Variants in NT5M observed in about 807,000 individuals in gnomAD.
The protein encoded by NT5M is 5'(3')-deoxyribonucleotidase, mitochondrial.
NT5M carries 22 observed loss-of-function variants against 22.2 expected under a neutral mutation model. That is an observed-to-expected ratio of 0.99 (90% CI 0.71 to 1.41). NT5M has a LOEUF of 1.41. Among genes scored for constraint, NT5M ranks in the 40% most tolerant of loss-of-function variants. The pLI is 0.00. For synonymous variants in NT5M, 167 were observed against 133.0 expected (o/e 1.26, Z -1.76); for missense variants, 322 against 314.8 (o/e 1.02, Z -0.17).
Position 17,347,083 on chromosome 17 carries a change from C to T in NT5M, c.*136C>T. 1 of 1,143,158 alleles carries T rather than the reference C, an allele frequency of 8.7e-7. No homozygotes were observed. 70.8% of individuals were successfully genotyped at this position (1,143,158 alleles called of 1,614,324 possible). A position where few individuals can be genotyped will look rare whatever the true frequency, so the allele number is the denominator to read the frequency against. On this transcript the variant is annotated 3_prime_UTR_variant, in exon 5 of 5. Coordinates refer to ENST00000389022, the MANE Select transcript of NT5M (RefSeq NM_020201.4). ...CATGACCTCCTGCTGCATGTCCCTTCCCTTCCCCAGCCCTGCCAGGCCTTA... is the reference window on the plus strand; with the variant it reads ...CATGACCTCCTGCTGCATGTCCCTTTCCTTCCCCAGCCCTGCCAGGCCTTA...
chr17:17,345,749 T>C (rs565713348), intron 4 of NT5M, among the ~76,000 whole-genome samples: 2 of 152,202 alleles, frequency 1.3e-5, no homozygotes, highest in Non-Finnish European at 2.9e-5. Context: ...AGGTGGAGGC[T>C]GCAGCGAGCT....
chr17:17,324,257 G>T (rs1462548907), intron 3 of NT5M, among the ~76,000 whole-genome samples: 12 of 151,378 alleles, frequency 7.9e-5, no homozygotes, highest in Admixed American at 5.9e-4. Flanking sequence ...GCCGATGCAG[G>T]TGGGTCACCT....
chr17:17,309,273 A>G (rs1030604333), intron 2 of NT5M, among the ~76,000 whole-genome samples: 2 of 151,844 alleles, frequency 1.3e-5, no homozygotes, highest in Non-Finnish European at 2.9e-5. Context: ...CCACAGATGC[A>G]CACTACTACA....
At chr17:17,313,735 TCAGG>T (rs1166880409) in intron 2 of NT5M, among the ~76,000 whole-genome samples, 2 of 152,176 alleles carry the variant, frequency 1.3e-5, no homozygotes, top group Non-Finnish European at 1.5e-5. Context: ...GCGTTGGGGC[TCAGG>T]CAGGCAGGCA....
chr17:17,322,953 G>A lies in NT5M; in HGVS notation c.369-232G>A, dbSNP rs9901325. On this transcript the variant is annotated intron_variant, in intron 2 of 4. Transcript: ENST00000389022. ...ATTGCAGGAGGCCCTCCAGTCAGAT[G>A]TCCAGCCCAGAGCTGGCTGCCTGTG... 3.0e-3 allele frequency among the ~76,000 whole-genome samples: 462 copies of A among 152,318 alleles called. 3 individuals carry two copies. The highest frequency in any genetic ancestry group is 9.9e-3 in the African/African-American group (411 of 41,562).
chr17:17,303,779 G>GC lies in NT5M; in HGVS notation c.229_230insC (p.Val77AlafsTer28). ...GCTGGAGGACCGGCGCGGCTTCTGGGTGTCGGAGCAGTACGGCCGCCTGCG... is the reference window on the plus strand; with the variant it reads ...GCTGGAGGACCGGCGCGGCTTCTGGGCTGTCGGAGCAGTACGGCCGCCTGCG... On this transcript the variant is annotated frameshift_variant, in exon 1 of 5. Coordinates refer to ENST00000389022, the MANE Select transcript of NT5M (RefSeq NM_020201.4). LOFTEE classifies it high-confidence loss of function. 1 of 1,576,072 alleles carries GC rather than the reference G, an allele frequency of 6.3e-7. No homozygotes were observed. Among genetic ancestry groups the GC allele is most frequent in the Non-Finnish European group, 8.6e-7 (1 of 1,162,428 alleles).
chr17:17,331,696 G>A (rs1354178161), intron 3 of NT5M, among the ~76,000 whole-genome samples: 1 of 151,320 alleles, frequency 6.6e-6, no homozygotes, highest in East Asian at 1.9e-4. Flanking sequence ...CCAGACCATC[G>A]TGCCTGGTCA....
chr17:17,341,349 C>G (rs557691063), intron 3 of NT5M, among the ~76,000 whole-genome samples: 1 of 152,290 alleles, frequency 6.6e-6, no homozygotes, highest in African/African-American at 2.4e-5. Context: ...ACCAGCAACA[C>G]TGTGAGGAAA....
rs1375725308 is a variant in NT5M, at chr17:17,303,626, G to A, written c.76G>A (p.Gly26Ser). The A allele has an allele frequency of 4.5e-5, 59 of 1,323,080 alleles. No individual in the cohort carries two copies. The highest frequency in any genetic ancestry group is 7.0e-5 in the Admixed American group (2 of 28,734). The allele number at this position is 1,323,080 out of a possible 1,614,324, so 82.0% of individuals were successfully genotyped here. ...TCCCGCGGGGCGGCGCGGGGCGGCG[G>A]GCGGGCTGGGCCTGGCGGGAGGCCG... ...AVPAGRRGAA[G>S]GLGLAGGRAL... The change falls in exon 1 of 5, where the codon GGC (glycine) becomes AGC (serine). Residue 26 changes from glycine (G) to serine (S), a missense_variant. Physicochemically the swap from Gly to Ser is moderately conservative, Grantham distance 56. Coordinates refer to ENST00000389022, the MANE Select transcript of NT5M (RefSeq NM_020201.4).
chr17:17,312,406 C>A (rs1196767960), intron 2 of NT5M, among the ~76,000 whole-genome samples: 1 of 152,022 alleles, frequency 6.6e-6, no homozygotes, highest in Non-Finnish European at 1.5e-5. Flanking sequence ...CTTTGGGAGG[C>A]CAAGGTGGGC....
intron 2 of NT5M, among the ~76,000 whole-genome samples, chr17:17,319,725 ACGGGAGGGACAGC>A (rs1298994645): frequency 4.4e-5 from 4 of 90,988 alleles, no homozygotes; most frequent in Non-Finnish European, 5.7e-5. Context: ...GCAGGGAGGG[ACGGGAGGGACAGC>A]TGGGAGAGAT....
intron 2 of NT5M, among the ~76,000 whole-genome samples, chr17:17,317,049 G>T (rs1365835054): frequency 8.2e-4 from 67 of 81,722 alleles, no homozygotes; most frequent in African/African-American, 2.5e-3. Flanking sequence ...TTTTGTTTTT[G>T]TTTTTGTTTT....
At chr17:17,344,688 G>A in intron 3 of NT5M, 106 bp from the exon 4 acceptor site, 1 of 1,371,254 alleles carries the variant, frequency 7.3e-7, no homozygotes. Flanking sequence ...ATCCCTCCCT[G>A]CCTGTTAGCT....
chr17:17,311,058 C>T (rs370433089), intron 2 of NT5M, among the ~76,000 whole-genome samples: 10 of 151,626 alleles, frequency 6.6e-5, no homozygotes, highest in South Asian at 2.1e-4. Context: ...AGTTTTGGGC[C>T]GGGCGCGGTG....
chr17:17,304,388 C>T lies in NT5M; in HGVS notation c.267+571C>T, dbSNP rs1392706055. The T allele has an allele frequency of 3.3e-5, 33 of 985,256 alleles. 1 individual carries two copies. In the Admixed American group the frequency reaches 2.0e-3, roughly 61 times the overall value. 61.0% of individuals were successfully genotyped at this position (985,256 alleles called of 1,614,324 possible). A position where few individuals can be genotyped will look rare whatever the true frequency, so the allele number is the denominator to read the frequency against. On this transcript the variant is annotated intron_variant, in intron 1 of 4. Transcript: ENST00000389022. ...GAGCTGGCCTTGCTGAACACCTGAG[C>T]TCAACCCCTACCATCCGACTCCCGA...
intron 3 of NT5M, among the ~76,000 whole-genome samples, chr17:17,344,320 G>A (rs552296780): frequency 2.7e-4 from 41 of 152,320 alleles, no homozygotes; most frequent in African/African-American, 8.7e-4. Context: ...AGAGGGCCTT[G>A]ACCGCTGTCT....
chr17:17,327,230 G>T (rs1402814854), intron 3 of NT5M, among the ~76,000 whole-genome samples: 1 of 103,828 alleles, frequency 9.6e-6, no homozygotes, highest in South Asian at 3.1e-4. Flanking sequence ...TCTTTGATGC[G>T]TATTAAATAT....
At chr17:17,321,611 G>A (rs1229129010) in intron 2 of NT5M, among the ~76,000 whole-genome samples, 3 of 151,954 alleles carry the variant, frequency 2.0e-5, no homozygotes, top group Non-Finnish European at 4.4e-5. Flanking sequence ...GCCCTGGCTT[G>A]GTGTCAGGAA....
intron 3 of NT5M, among the ~76,000 whole-genome samples, chr17:17,336,419 T>C (rs2049513405): frequency 6.6e-6 from 1 of 152,182 alleles, no homozygotes; most frequent in Admixed American, 6.5e-5. Context: ...AGTTCAATTG[T>C]TTTAATTTTT....
Sources: gnomAD v4.1 joint callset for allele counts (sites outside exome capture counted in the v4.1 genomes callset) on GRCh38, gnomAD v4.1.1 for gene constraint, MANE v1.5 for transcripts, NCBI Gene and HGNC (gene_info 2026-07-23, HGNC 2026-07-21) for gene names.